Variants in INSC observed in about 807,000 individuals in gnomAD.
INSC encodes INSC spindle orientation adaptor protein.
Under a neutral mutation model 58.6 loss-of-function variants are expected in INSC, and 67 were observed. That is an observed-to-expected ratio of 1.14 (90% CI 0.94 to 1.40). The LOEUF is 1.40. Among genes scored for constraint, INSC ranks in the 40% most tolerant of loss-of-function variants. INSC has a pLI of 0.00. For missense variants in INSC, 714 were observed against 692.0 expected (o/e 1.03, Z -0.36); for synonymous variants, 262 against 276.1 (o/e 0.95, Z 0.51).
intron 2 of INSC, among the ~76,000 whole-genome samples, chr11:15,155,068 G>A (rs1848769311): frequency 6.6e-6 from 1 of 152,132 alleles, no homozygotes; most frequent in African/African-American, 2.4e-5. Flanking sequence ...GGCCTAGGGT[G>A]CCCTGCCTTG....
At chr11:15,173,486 C>T (rs16931140) in intron 2 of INSC, among the ~76,000 whole-genome samples, 1,957 of 152,082 alleles carry the variant, frequency 0.013, 41 homozygotes, top group African/African-American at 0.045. Context: ...GCAATCAAAC[C>T]GTACATGAGA....
chr11:15,132,975 T>C (rs1848159782), intron 1 of INSC, among the ~76,000 whole-genome samples: 1 of 152,192 alleles, frequency 6.6e-6, no homozygotes, highest in Non-Finnish European at 1.5e-5. Context: ...GGTGTGTATG[T>C]ATATGTTTTG....
chr11:15,215,649 A>G (rs1851188033), intron 7 of INSC, among the ~76,000 whole-genome samples: 3 of 152,350 alleles, frequency 2.0e-5, no homozygotes, highest in Middle Eastern at 6.8e-3. Context: ...GCTGTGTGTT[A>G]GGCCTCAGCT....
At chr11:15,197,617 A>G (rs950918899) in intron 6 of INSC, among the ~76,000 whole-genome samples, 9 of 152,124 alleles carry the variant, frequency 5.9e-5, no homozygotes, top group Non-Finnish European at 8.8e-5. Context: ...TTCTGGGAGA[A>G]AATGTGGGCA....
chr11:15,123,049 A>G (rs1847911773), intron 1 of INSC, among the ~76,000 whole-genome samples: 1 of 152,094 alleles, frequency 6.6e-6, no homozygotes, highest in East Asian at 1.9e-4. Context: ...GCTGAGTCTC[A>G]GTCTCTAGGG....
intron 1 of INSC, among the ~76,000 whole-genome samples, chr11:15,127,630 A>C (rs1334744734): frequency 6.6e-6 from 1 of 152,220 alleles, no homozygotes; most frequent in African/African-American, 2.4e-5. Flanking sequence ...GGCACAGGAA[A>C]ATAAATACTC....
chr11:15,228,416 T>C (rs1406544503), intron 9 of INSC, among the ~76,000 whole-genome samples: 1 of 152,174 alleles, frequency 6.6e-6, no homozygotes, highest in East Asian at 1.9e-4. Context: ...CGGTACCTTT[T>C]CACGTTACTC....
At chr11:15,208,714 C>T (rs999217972) in intron 7 of INSC, among the ~76,000 whole-genome samples, 1 of 152,208 alleles carries the variant, frequency 6.6e-6, no homozygotes, top group Non-Finnish European at 1.5e-5. Context: ...ATGGGGCTGC[C>T]AGGCAGTCCA....
intron 1 of INSC, among the ~76,000 whole-genome samples, chr11:15,117,951 T>A (rs1374245954): frequency 6.6e-6 from 1 of 152,210 alleles, no homozygotes; most frequent in East Asian, 1.9e-4. Flanking sequence ...AGCTGCCAGC[T>A]CTTCCCTGTC....
chr11:15,158,048 T>A (rs77682260), intron 2 of INSC, among the ~76,000 whole-genome samples: 429 of 152,256 alleles, frequency 2.8e-3, no homozygotes, highest in African/African-American at 0.01. Flanking sequence ...TCATATCCTA[T>A]CCTGTCCCTC....
chr11:15,131,536 C>A (rs899787711), intron 1 of INSC, among the ~76,000 whole-genome samples: 2 of 152,076 alleles, frequency 1.3e-5, no homozygotes, highest in African/African-American at 4.8e-5. Flanking sequence ...CATTTTCCTG[C>A]TTGATCTATC....
At chr11:15,188,167 G>C in intron 5 of INSC, 1 of 985,290 alleles carries the variant, frequency 1.0e-6, no homozygotes, top group Non-Finnish European at 1.2e-6. Flanking sequence ...GGCAGATCCA[G>C]AGGGGCATTT....
At chr11:15,198,072 T>C (rs115361597) in intron 6 of INSC, among the ~76,000 whole-genome samples, 129 of 152,294 alleles carry the variant, frequency 8.5e-4, no homozygotes, top group African/African-American at 3.0e-3. Context: ...TCTGTGGCTT[T>C]CTTCCTTCTC....
At chr11:15,138,152 C>T (rs1371510917) in intron 1 of INSC, among the ~76,000 whole-genome samples, 36 of 95,996 alleles carry the variant, frequency 3.8e-4, no homozygotes. Flanking sequence ...AGTTTGCCAT[C>T]TTATGGGGGT....
upstream of INSC, among the ~76,000 whole-genome samples, chr11:15,113,143 T>TTCTCTCTC: frequency 7.7e-4 from 76 of 98,514 alleles, no homozygotes; most frequent in Middle Eastern, 4.8e-3. Context: ...CTTTCTTTCT[T>TTCTCTCTC]TCTGTCTCTC....
At chr11:15,198,602 A>G (rs1164280036) in intron 6 of INSC, among the ~76,000 whole-genome samples, 1 of 152,112 alleles carries the variant, frequency 6.6e-6, no homozygotes, top group Non-Finnish European at 1.5e-5. Flanking sequence ...ATCTACATAT[A>G]TAGAGAAATA....
In INSC at chr11:15,246,180, C is replaced by T. The variant is rs190772363; in HGVS notation, c.*140C>T. On this transcript the variant is annotated 3_prime_UTR_variant, in exon 13 of 13. Transcript: ENST00000379556. Reference sequence around the variant, plus strand: ...ATTTTTGTGTGAAATAAATGGAGGACAAAATCTTAGAGCAACATCATCAAA... The same window carrying T: ...ATTTTTGTGTGAAATAAATGGAGGATAAAATCTTAGAGCAACATCATCAAA... 1.0e-3 allele frequency: 910 copies of T among 867,462 alleles called. 7 individuals carry two copies. The African/African-American group carries it at 0.013, about 12-fold the overall frequency. The allele number at this position is 867,462 out of a possible 1,614,324, so 53.7% of individuals were successfully genotyped here.
intron 1 of INSC, among the ~76,000 whole-genome samples, chr11:15,128,965 T>C (rs561747435): frequency 2.0e-5 from 3 of 152,352 alleles, no homozygotes; most frequent in South Asian, 4.1e-4. Context: ...GCTGGCTCTT[T>C]CTGGCTGCAG....
At chr11:15,194,297 T>G (rs1373795119) in intron 6 of INSC, among the ~76,000 whole-genome samples, 3 of 152,180 alleles carry the variant, frequency 2.0e-5, no homozygotes, top group Non-Finnish European at 4.4e-5. Context: ...TTCGGTAGAC[T>G]TAAGATGCTA....
Sources: gnomAD v4.1 joint callset for allele counts (sites outside exome capture counted in the v4.1 genomes callset) on GRCh38, gnomAD v4.1.1 for gene constraint, MANE v1.5 for transcripts, NCBI Gene and HGNC (gene_info 2026-07-23, HGNC 2026-07-21) for gene names.